C8orf74: variants seen among roughly 807,000 people sequenced by gnomAD.
C8orf74 encodes the protein uncharacterized protein C8orf74.
In C8orf74, 29 loss-of-function variants were observed where a neutral mutation model predicts 22.2. That is an observed-to-expected ratio of 1.31 (90% CI 0.97 to 1.78). The LOEUF is 1.78. Among genes scored for constraint, C8orf74 ranks in the 40% most tolerant of loss-of-function variants. The pLI is 0.00. For synonymous variants in C8orf74, 255 were observed against 163.1 expected (o/e 1.56, Z -4.30); for missense variants, 515 against 369.9 (o/e 1.39, Z -3.22).
chr8:10,683,120 G>A (rs1799186985), intron 2 of C8orf74, among the ~76,000 whole-genome samples: 1 of 152,232 alleles, frequency 6.6e-6, no homozygotes, highest in Admixed American at 6.5e-5. Flanking sequence ...AGACCCCCAT[G>A]GCGAGTGGGC....
chr8:10,686,218 G>C lies in C8orf74; in HGVS notation c.241+11380G>C, dbSNP rs538565559. Among the ~76,000 whole-genome samples the C allele has an allele frequency of 7.6e-4, 116 of 152,326 alleles. No individual in the cohort carries two copies. In the Middle Eastern group the frequency reaches 0.01, roughly 13 times the overall value. On this transcript the variant is annotated intron_variant, in intron 2 of 3. Coordinates refer to ENST00000304519, the MANE Select transcript of C8orf74 (RefSeq NM_001040032.2). The stretch of plus-strand genomic sequence containing the variant: ...TATCTTCCATTCACTCCTAAAAAAT[G>C]GCTGTGTTGTACTCTCCTTGGAGTT...
At chr8:10,688,559 C>G (rs78608449) in intron 2 of C8orf74, 1 of 152,380 alleles carries the variant, frequency 6.6e-6, no homozygotes, top group African/African-American at 2.4e-5. Context: ...GTTCCCTAGG[C>G]GCAATGGTGG....
intron 2 of C8orf74, among the ~76,000 whole-genome samples, chr8:10,677,616 C>T (rs1266216655): frequency 6.6e-6 from 1 of 152,114 alleles, no homozygotes; most frequent in Non-Finnish European, 1.5e-5. Context: ...CCCATAGACC[C>T]TGCCCCCACC....
intron 2 of C8orf74, among the ~76,000 whole-genome samples, chr8:10,684,705 A>G (rs1411114256): frequency 1.3e-5 from 2 of 152,236 alleles, no homozygotes; most frequent in Non-Finnish European, 2.9e-5. Context: ...CACAGATAGA[A>G]GATTTGTTCT....
chr8:10,684,163 A>G (rs1373599339), intron 2 of C8orf74, among the ~76,000 whole-genome samples: 1 of 152,178 alleles, frequency 6.6e-6, no homozygotes, highest in Non-Finnish European at 1.5e-5. Flanking sequence ...TCTTGGGTGG[A>G]TGGGTACTGC....
chr8:10,700,140 G>T, intron 3 of C8orf74, 95 bp from the exon 4 acceptor site: 1 of 782,086 alleles, frequency 1.3e-6, no homozygotes, highest in Non-Finnish European at 2.0e-6. Context: ...GATGGACAGT[G>T]GACACATTCT....
rs190529843 is a variant in C8orf74, at chr8:10,676,118, C to G, written c.241+1280C>G. Among the ~76,000 whole-genome samples the G allele has an allele frequency of 1.6e-4, 24 of 152,186 alleles. No homozygotes were observed. In the East Asian group the frequency reaches 4.6e-3, roughly 29 times the overall value. ...CTTTTAAGTGGACTGGGAAGAGTTT[C>G]TTTCTACTATTGTTGCAACTTTTCA... is the stretch of plus-strand genomic sequence containing the variant. On this transcript the variant is annotated intron_variant, in intron 2 of 3. Transcript: ENST00000304519.
chr8:10,686,522 T>G (rs1428612914), intron 2 of C8orf74: 2 of 152,458 alleles, frequency 1.3e-5, no homozygotes, highest in Non-Finnish European at 2.9e-5. Context: ...TGCCCTGTCG[T>G]TCTCATAAGC....
intron 2 of C8orf74, among the ~76,000 whole-genome samples, chr8:10,685,296 A>G (rs7833521): frequency 0.034 from 5,141 of 152,326 alleles, 271 homozygotes; most frequent in African/African-American, 0.12. Context: ...CTCTGGGTAC[A>G]CACCCAAAAG....
intron 2 of C8orf74, among the ~76,000 whole-genome samples, chr8:10,682,599 A>T (rs1204224707): frequency 5.3e-5 from 8 of 152,136 alleles, no homozygotes; most frequent in African/African-American, 1.7e-4. Context: ...TGTTGGATGA[A>T]GGCTGGCCCT....
chr8:10,691,285 C>T (rs1051557381), intron 2 of C8orf74: 1 of 229,868 alleles, frequency 4.4e-6, no homozygotes, highest in Admixed American at 4.5e-5. Flanking sequence ...GATGATAAGC[C>T]GCCAGGACAC....
rs2129059195 is a variant in C8orf74 at position 10,697,838 on chromosome 8, T to G, written c.481T>G (p.Leu161Val). ...GCTGGCCGAGGGCATGGACAGGGAC[T>G]TGTGGATCCACGAGCAGCAGGTGGC... ...LPLAEGMDRD[L>V]WIHEQQVATL... The change falls in exon 3 of 4, where the codon TTG becomes GTG. Residue 161 changes from leucine to valine, a missense_variant. Coordinates refer to ENST00000304519, the MANE Select transcript of C8orf74 (RefSeq NM_001040032.2). The G allele has an allele frequency of 4.3e-6, 7 of 1,613,716 alleles. No individual in the cohort carries two copies. The Admixed American group carries it at 5.0e-5, about 12-fold the overall frequency.
At position 10,697,797 on chromosome 8, in the gene C8orf74, C is replaced by T. The variant is rs1489996439; in HGVS notation, c.440C>T (p.Pro147Leu). 1 of 1,614,042 alleles carries T rather than the reference C, an allele frequency of 6.2e-7. No homozygotes were observed. The highest frequency in any genetic ancestry group is 1.1e-5 in the South Asian group (1 of 91,062). ...LTVAHLEVCM[P>L]PHPLPLAEGM... is the part of the protein sequence containing the mutation. Reference sequence around the variant, plus strand: ...GTTGCCCACCTGGAGGTGTGCATGCCACCCCATCCCCTCCCGCTGGCCGAG... The same window carrying T: ...GTTGCCCACCTGGAGGTGTGCATGCTACCCCATCCCCTCCCGCTGGCCGAG... The change falls in exon 3 of 4, where the codon CCA becomes CTA. Residue 147 changes from proline (P) to leucine (L), a missense_variant. Pro to Leu is a moderately conservative substitution (Grantham distance 98). Transcript: ENST00000304519.
chr8:10,690,882 A>G, intron 2 of C8orf74: 1 of 454,226 alleles, frequency 2.2e-6, no homozygotes, highest in Non-Finnish European at 4.4e-6. Context: ...GCTGGCCTCC[A>G]GGGGCTTGGG....
chr8:10,681,557 C>T (rs1394480132), intron 2 of C8orf74, among the ~76,000 whole-genome samples: 1 of 152,238 alleles, frequency 6.6e-6, no homozygotes, highest in South Asian at 2.1e-4. Context: ...GTGGGGACAG[C>T]CTCCCCTGCT....
At chr8:10,695,115 GA>G (rs537447625) in intron 2 of C8orf74, among the ~76,000 whole-genome samples, 129 of 152,100 alleles carry the variant, frequency 8.5e-4, no homozygotes, top group African/African-American at 2.7e-3. Context: ...GGAATGGAGA[GA>G]TTTTTTTTGC....
At chr8:10,689,000 G>A (rs1799319002) in intron 2 of C8orf74, 1 of 152,436 alleles carries the variant, frequency 6.6e-6, no homozygotes, top group Non-Finnish European at 1.5e-5. Context: ...TAACTCCCAA[G>A]AACAGCACCT....
intron 2 of C8orf74, among the ~76,000 whole-genome samples, chr8:10,679,384 GT>G (rs1563155883): frequency 6.6e-6 from 1 of 152,142 alleles, no homozygotes; most frequent in Non-Finnish European, 1.5e-5. Context: ...AGTATCGCTC[GT>G]GGAAATCACA....
At chr8:10,695,062 G>A (rs1799461486) in intron 2 of C8orf74, among the ~76,000 whole-genome samples, 1 of 151,900 alleles carries the variant, frequency 6.6e-6, no homozygotes, top group Non-Finnish European at 1.5e-5. Context: ...CAGAGATGAA[G>A]GAAGGAAGGA....
Sources: allele counts gnomAD v4.1 joint callset (sites outside exome capture counted in the v4.1 genomes callset), GRCh38; gene constraint gnomAD v4.1.1; transcripts MANE v1.5; gene names NCBI Gene and HGNC (gene_info 2026-07-23, HGNC 2026-07-21).